The following PLCH2 variants were observed in gnomAD, a reference collection of about 807,000 sequenced individuals.
PLCH2 encodes the protein phospholipase C eta 2.
A neutral mutation model predicts 134.7 loss-of-function variants in PLCH2; 98 were observed. That is an observed-to-expected ratio of 0.73 (90% CI 0.62 to 0.86). The LOEUF (loss-of-function observed/expected upper bound fraction) is 0.86, where lower values mean the gene tolerates loss of function less well. Among genes scored for constraint, PLCH2 ranks in the 40% least tolerant of loss-of-function variants. The pLI is 0.00. For missense variants in PLCH2, 1,994 were observed against 1,986.6 expected (o/e 1.00, Z -0.07); for synonymous variants, 974 against 827.5 (o/e 1.18, Z -3.04).
At chr1:2,428,026 A>G (rs916134193) in intron 1 of PLCH2, among the ~76,000 whole-genome samples, 1 of 151,950 alleles carries the variant, frequency 6.6e-6, no homozygotes, top group Non-Finnish European at 1.5e-5. Flanking sequence ...TGGTCGTTGC[A>G]CCCTGGGCAC....
chr1:2,495,818 G>A (rs1032325452), intron 13 of PLCH2, among the ~76,000 whole-genome samples: 23 of 152,056 alleles, frequency 1.5e-4, no homozygotes, highest in African/African-American at 5.6e-4. Context: ...CCTGGATGCT[G>A]CCGGGCTGTC....
At position 2,498,743 on chromosome 1, in the gene PLCH2, G is replaced by A. The variant is rs1430836693; in HGVS notation, c.2350-1G>A. 1 of 1,608,434 alleles carries A rather than the reference G, an allele frequency of 6.2e-7. No individual in the cohort carries two copies. The highest frequency in any genetic ancestry group is 8.5e-7 in the Non-Finnish European group (1 of 1,177,776). On this transcript the variant is annotated splice_acceptor_variant, in intron 17 of 21. Transcript: ENST00000378486. LOFTEE classifies it high-confidence loss of function. The surrounding 1 kb of genome is among the most constrained non-coding windows in gnomAD (Gnocchi z 5.4). ...ATGCCACCCCCACTCCTGTGTCCCAGATCATCGACCCCTTTGTGGAGGTGG... is the reference window on the plus strand; with the variant it reads ...ATGCCACCCCCACTCCTGTGTCCCAAATCATCGACCCCTTTGTGGAGGTGG...
chr1:2,463,530 T>A (rs1035777663), upstream of PLCH2, among the ~76,000 whole-genome samples: 1 of 152,152 alleles, frequency 6.6e-6, no homozygotes, highest in African/African-American at 2.4e-5. Context: ...AGGACAGAAC[T>A]CGGAAGCTGA....
intron 2 of PLCH2, among the ~76,000 whole-genome samples, chr1:2,431,060 G>A (rs376012255): frequency 6.6e-6 from 1 of 152,216 alleles, no homozygotes; most frequent in Admixed American, 6.5e-5. Flanking sequence ...ACTTTGGGGT[G>A]TGGAGCTGGT....
At chr1:2,458,575 G>T (rs1266043147) in intron 2 of PLCH2, among the ~76,000 whole-genome samples, 2 of 152,170 alleles carry the variant, frequency 1.3e-5, no homozygotes, top group Non-Finnish European at 1.5e-5. Context: ...AGCAAGGTTG[G>T]TGTGACCCCT....
Position 2,498,933 on chromosome 1 carries a change from A to AGG in PLCH2, c.2434+105_2434+106insGG. On this transcript the variant is annotated intron_variant, in intron 18 of 21. Transcript: ENST00000378486. The surrounding 1 kb of genome is among the most constrained non-coding windows in gnomAD (Gnocchi z 5.4). ...TGCCCTGCCCAGGCCTCCCTCAGTG[A>AGG]CAGTCCTGGGCGCCCTCCCCTCTAG... 7.5e-7 allele frequency: 1 copy of AGG among 1,335,792 alleles called. No individual in the cohort carries two copies. Among genetic ancestry groups the AGG allele is most frequent in the Non-Finnish European group, 1.0e-6 (1 of 956,606 alleles). The allele number at this position is 1,335,792 out of a possible 1,614,324, so 82.7% of individuals were successfully genotyped here.
At chr1:2,497,116 C>T in intron 15 of PLCH2, 106 bp downstream of exon 15, 1 of 1,158,618 alleles carries the variant, frequency 8.6e-7, no homozygotes, top group Non-Finnish European at 1.2e-6. Flanking sequence ...CGGTTCTGTC[C>T]TGGGCTCTAT....
intron 19 of PLCH2, among the ~76,000 whole-genome samples, 184 bp from the exon 20 acceptor site, chr1:2,499,457 G>A (rs546710737): frequency 2.6e-4 from 39 of 152,270 alleles, no homozygotes; most frequent in African/African-American, 8.9e-4. Flanking sequence ...GCAGGCTGGT[G>A]CAATGCCAAT....
At chr1:2,420,547 C>G in the PLCH2 span, among the ~76,000 whole-genome samples, 2 of 152,156 alleles carry the variant, frequency 1.3e-5, no homozygotes, top group Non-Finnish European at 2.9e-5. Flanking sequence ...CAGGAAGGGC[C>G]TCAAGTCCGC....
chr1:2,432,832 G>T (rs186859289), intron 2 of PLCH2, among the ~76,000 whole-genome samples: 55 of 152,332 alleles, frequency 3.6e-4, no homozygotes, highest in Non-Finnish European at 6.9e-4. Context: ...GTCCGGAGGG[G>T]CTGTCACAGG....
At chr1:2,436,014 TCC>T (rs1304293903) in intron 2 of PLCH2, among the ~76,000 whole-genome samples, 678 of 75,178 alleles carry the variant, frequency 9.0e-3, no homozygotes, top group Non-Finnish European at 0.013. Context: ...CCCGCTTCCC[TCC>T]TCTCTCCTCC....
At chr1:2,481,529 C>T (rs1334294829) in intron 4 of PLCH2, among the ~76,000 whole-genome samples, 2 of 152,242 alleles carry the variant, frequency 1.3e-5, no homozygotes, top group African/African-American at 4.8e-5. Context: ...TCCAGAGTGG[C>T]CTCTGAGTGG....
intron 21 of PLCH2, 65 bp downstream of exon 21, chr1:2,502,474 C>T (rs572038408): frequency 2.6e-5 from 38 of 1,457,738 alleles, no homozygotes; most frequent in Middle Eastern, 1.7e-4. Flanking sequence ...GTGTCCTGGA[C>T]GGCCCCGGGC....
chr1:2,494,959 G>C lies in PLCH2; in HGVS notation c.1752+11G>C, dbSNP rs1642798608. The C allele has an allele frequency of 1.3e-6, 2 of 1,569,040 alleles. No homozygotes were observed. Among genetic ancestry groups the C allele is most frequent in the Non-Finnish European group, 1.7e-6 (2 of 1,159,298 alleles). ...TTCTCCAGGCGCAAGGTCCGGCGCA[G>C]CTCCCAGGCCAGGGTCCCGGTCTGG... On this transcript the variant is annotated intron_variant, in intron 12 of 21. Coordinates refer to ENST00000378486, the MANE Select transcript of PLCH2 (RefSeq NM_014638.4).
At position 2,442,340 on chromosome 1, in the gene PLCH2, G is replaced by A. The variant is rs372457959; in HGVS notation, c.115+11711G>A. ...CTTCTGTCTCCTCTTCAGCCACTACGCCAGGGCCAGATGGTGGGCAGGGTC... is the reference window on the plus strand; with the variant it reads ...CTTCTGTCTCCTCTTCAGCCACTACACCAGGGCCAGATGGTGGGCAGGGTC... On this transcript the variant is annotated intron_variant, in intron 2 of 3. Transcript: ENST00000609981. Among the ~76,000 whole-genome samples, 17 of 152,294 alleles carry A rather than the reference G, an allele frequency of 1.1e-4. 1 individual carries two copies. Among genetic ancestry groups the A allele is most frequent in the South Asian group, 8.3e-4 (4 of 4,824 alleles).
rs1557999908 is a variant in PLCH2, at chr1:2,480,307, T to C, written c.640T>C (p.Phe214Leu). ...GCCCCGGCAGAGGGTGAAGCAGATGTTCAGGGTGAGCTGGGGGGAGCCCTA... is the reference window on the plus strand; with the variant it reads ...GCCCCGGCAGAGGGTGAAGCAGATGCTCAGGGTGAGCTGGGGGGAGCCCTA... The part of the protein sequence containing the change: ...NLPRQRVKQM[F>L]READTDDHQG... The change falls in exon 4 of 22, where the codon TTC becomes CTC. Residue 214 changes from phenylalanine (F) to leucine (L), a missense_variant. Phe to Leu is a conservative substitution (Grantham distance 22). This residue lies in a region of PLCH2 where 1,094 missense variants were observed against 1,234.3 expected (regional missense o/e 0.89). Transcript: ENST00000378486. The C allele has an allele frequency of 6.2e-7, 1 of 1,612,066 alleles. No homozygotes were observed.
chr1:2,433,629 C>G (rs566060769), intron 2 of PLCH2, among the ~76,000 whole-genome samples: 2 of 152,292 alleles, frequency 1.3e-5, no homozygotes, highest in Admixed American at 6.5e-5. Context: ...TTCCTTCGGA[C>G]TCTACACCGG....
chr1:2,500,796 TCCTCCCTCCCCTCCCTCAGTCCTCCCTCC>T (rs1643178981), intron 20 of PLCH2: 1 of 26,328 alleles, frequency 3.8e-5, no homozygotes, highest in Non-Finnish European at 7.4e-5. Flanking sequence ...CCTCCCTCAG[TCCTCCCTCCCCTCCCTCAGTCCTCCCTCC>T]CCTCCCTCAG....
chr1:2,473,335 G>C (rs1486590405), upstream of PLCH2, among the ~76,000 whole-genome samples: 2 of 152,166 alleles, frequency 1.3e-5, no homozygotes, highest in African/African-American at 4.8e-5. Context: ...CCAGGTGCGG[G>C]GGCTGAGCCC....
Sources: gnomAD v4.1 joint callset for allele counts (sites outside exome capture counted in the v4.1 genomes callset) on GRCh38, gnomAD v4.1.1 for gene constraint, gnomAD v4.1.1 regional missense constraint, Gnocchi (gnomAD v3.1) non-coding constraint, MANE v1.5 for transcripts, NCBI Gene and HGNC (gene_info 2026-07-23, HGNC 2026-07-21) for gene names.